Variants in SEC63 observed in about 807,000 individuals in gnomAD.
SEC63 encodes translocation protein SEC63 homolog.
SEC63 carries 56 observed loss-of-function variants against 116.2 expected under a neutral mutation model. That is an observed-to-expected ratio of 0.48 (90% CI 0.39 to 0.60). SEC63 has a LOEUF of 0.60. SEC63 is among the 20% of genes least tolerant of loss of function. The pLI is 0.00. For synonymous variants in SEC63, 273 were observed against 294.6 expected (o/e 0.93, Z 0.75); for missense variants, 668 against 900.0 (o/e 0.74, Z 3.30).
In SEC63 at chr6:107,911,331, A is replaced by G; in HGVS notation, c.624+15T>C. 3.8e-6 allele frequency: 6 copies of G among 1,580,842 alleles called. No homozygotes were observed. Among genetic ancestry groups the G allele is most frequent in the Non-Finnish European group, 5.2e-6 (6 of 1,150,556 alleles). On this transcript the variant is annotated intron_variant, in intron 7 of 20. Coordinates refer to ENST00000369002, the MANE Select transcript of SEC63 (RefSeq NM_007214.5). ...CTTTCCAAAAAAAACATTAACTTAA[A>G]AAGCTAAAACTTACCACAACAACTG...
At chr6:107,892,015 G>T (rs911212573) in intron 16 of SEC63, among the ~76,000 whole-genome samples, 1 of 152,212 alleles carries the variant, frequency 6.6e-6, no homozygotes, top group Non-Finnish European at 1.5e-5. Context: ...TCCCAGTCAG[G>T]ATTCATGGGA....
intron 16 of SEC63, among the ~76,000 whole-genome samples, chr6:107,884,618 A>G (rs1437178222): frequency 6.6e-6 from 1 of 152,150 alleles, no homozygotes; most frequent in Non-Finnish European, 1.5e-5. Context: ...GAATTCTTCC[A>G]GAGACTAAAA....
Position 107,911,328 on chromosome 6 carries a change from TA to T in SEC63, c.624+17del. 1 of 1,575,666 alleles carries T rather than the reference TA, an allele frequency of 6.3e-7. No homozygotes were observed. Among genetic ancestry groups the T allele is most frequent in the Non-Finnish European group, 8.7e-7 (1 of 1,146,224 alleles). On this transcript the variant is annotated intron_variant, in intron 7 of 20. Transcript: ENST00000369002. ...CTCCTTTCCAAAAAAAACATTAACT[TA>T]AAAAGCTAAAACTTACCACAACAAC... is the stretch of plus-strand genomic sequence containing the variant.
rs926889214 is a variant in SEC63 at position 107,889,816 on chromosome 6, T to A, written c.1674+3666A>T. 2.0e-5 allele frequency among the ~76,000 whole-genome samples: 3 copies of A among 152,190 alleles called. No individual in the cohort carries two copies. In the East Asian group the frequency reaches 5.8e-4, roughly 29 times the overall value. On this transcript the variant is annotated intron_variant, in intron 16 of 20. Transcript: ENST00000369002. ...CATTGGTTTCAAAGAACATCTTTAT[T>A]TCTGCCTTCATTTCGTTATTTACCC... is the stretch of plus-strand genomic sequence containing the variant.
chr6:107,909,066 A>AT (rs1562324841), intron 7 of SEC63, 31 bp from the exon 8 acceptor site: 1 of 1,481,948 alleles, frequency 6.7e-7, no homozygotes. Flanking sequence ...AACAAGAAAG[A>AT]AAGTATAAAA....
intron 19 of SEC63, among the ~76,000 whole-genome samples, chr6:107,874,243 T>C (rs544657210): frequency 5.9e-5 from 9 of 151,996 alleles, no homozygotes; most frequent in Non-Finnish European, 1.2e-4. Flanking sequence ...TTAAATGATA[T>C]TCTACAAAAC....
In SEC63 at chr6:107,901,390, G is replaced by A. The variant is rs1162402889; in HGVS notation, c.1337C>T (p.Thr446Ile). The A allele has an allele frequency of 1.9e-6, 3 of 1,612,884 alleles. No individual in the cohort carries two copies. In the Admixed American group the frequency reaches 5.0e-5, roughly 27 times the overall value. The stretch of plus-strand genomic sequence containing the variant: ...CTTACCCTGTGATTTTATATCCATG[G>A]TCACATATGGAAAACTCCCAAGGAC... ...MAVLGSFPYV[T>I]MDIKSQVLDD... The change falls in exon 13 of 21, where the codon ACC (threonine) becomes ATC (isoleucine). Residue 446 changes from threonine (T) to isoleucine (I), a missense_variant. By Grantham distance (89) the Thr-to-Ile change is moderately conservative (BLOSUM62 -1). This residue lies in a region of SEC63 where 430 missense variants were observed against 557.5 expected (regional missense o/e 0.77). Coordinates refer to ENST00000369002, the MANE Select transcript of SEC63 (RefSeq NM_007214.5).
chr6:107,875,720 A>G (rs1336701177), intron 19 of SEC63, among the ~76,000 whole-genome samples: 9 of 152,264 alleles, frequency 5.9e-5, no homozygotes, highest in African/African-American at 2.2e-4. Flanking sequence ...TCAGAGGAAA[A>G]AATAACATGA....
intron 1 of SEC63, among the ~76,000 whole-genome samples, chr6:107,947,041 T>G (rs1554240869): frequency 6.6e-6 from 1 of 151,906 alleles, no homozygotes; most frequent in Non-Finnish European, 1.5e-5. Flanking sequence ...ATATGAACAT[T>G]AAGACATATC....
At position 107,883,044 on chromosome 6, in the gene SEC63, T is replaced by C. The variant is rs1167155246; in HGVS notation, c.1777A>G (p.Ser593Gly). 6.2e-7 allele frequency: 1 copy of C among 1,613,146 alleles called. No individual in the cohort carries two copies. The highest frequency in any genetic ancestry group is 8.5e-7 in the Non-Finnish European group (1 of 1,179,642). The change falls in exon 17 of 21, where the codon AGT becomes GGT. Residue 593 changes from serine (S) to glycine (G), a missense_variant. By Grantham distance (56) the Ser-to-Gly change is moderately conservative. Around this residue, in one of 5 missense-constraint regions of SEC63, gnomAD observed 430 missense variants for 557.5 expected, o/e 0.77. Coordinates refer to ENST00000369002, the MANE Select transcript of SEC63 (RefSeq NM_007214.5). Reference protein sequence around the residue: ...RDSQSEKDDGSDRDSDREQDE... With the variant: ...RDSQSEKDDGGDRDSDREQDE... ...TGCTCTCTATCAGAGTCTCTGTCAC[T>C]ACCATCATCTTTCTCACTTTGGGAA...
At chr6:107,897,005 GAGGGAAGGAGAGAAGA>G (rs927139575) in intron 14 of SEC63, among the ~76,000 whole-genome samples, 9 of 151,332 alleles carry the variant, frequency 5.9e-5, no homozygotes, top group Non-Finnish European at 1.2e-4. Context: ...AGAAGGAAGG[GAGGGAAGGAGAGAAGA>G]AGGGAAGGAG....
chr6:107,905,889 G>A (rs1208613951), intron 10 of SEC63, among the ~76,000 whole-genome samples: 2 of 152,148 alleles, frequency 1.3e-5, no homozygotes, highest in Non-Finnish European at 1.5e-5. Context: ...CATTTGTGAA[G>A]TAATTATGTA....
Position 107,872,839 on chromosome 6 carries a change from T to TA in SEC63, c.2107dup (p.Tyr703LeufsTer8). The TA allele has an allele frequency of 6.4e-7, 1 of 1,555,832 alleles. No homozygotes were observed. ...TGGTTTAATCTGATCCAAACCCATATAGGAGTCTGATCTCAGAAACACAGT... is the reference window on the plus strand; with the variant it reads ...TGGTTTAATCTGATCCAAACCCATATAAGGAGTCTGATCTCAGAAACACAGT... On this transcript the variant is annotated frameshift_variant, in exon 20 of 21. Transcript: ENST00000369002. LOFTEE classifies it high-confidence loss of function.
chr6:107,890,371 T>G (rs541035901), intron 16 of SEC63, among the ~76,000 whole-genome samples: 1 of 152,368 alleles, frequency 6.6e-6, no homozygotes, highest in Admixed American at 6.5e-5. Flanking sequence ...GTCTGTTTTA[T>G]CAGAGACTAG....
At chr6:107,917,144 T>G (rs1012967164) in intron 4 of SEC63, among the ~76,000 whole-genome samples, 3 of 152,224 alleles carry the variant, frequency 2.0e-5, no homozygotes, top group African/African-American at 7.2e-5. Context: ...CATGAGCGAT[T>G]TGTACCTTAA....
Position 107,929,428 on chromosome 6 carries a change from T to C in SEC63, c.211A>G (p.Ile71Val), listed in dbSNP as rs761219014. Residue 71 changes from isoleucine to valine, a missense_variant, in exon 2 of 21, where the codon ATT (isoleucine) becomes GTT (valine). Transcript: ENST00000369002. The part of the protein sequence containing the change: ...LRLLKPQPNI[I>V]PTVKKIVLLA... ...TCCATTACTTACTTTACTGTAGGAA[T>C]AATATTTGGCTGGGGTTTTAATAAC... The C allele has an allele frequency of 6.4e-7, 1 of 1,560,298 alleles. No individual in the cohort carries two copies. Among genetic ancestry groups the C allele is most frequent in the South Asian group, 1.1e-5 (1 of 89,814 alleles).
chr6:107,887,184 G>C (rs1786549765), intron 16 of SEC63, among the ~76,000 whole-genome samples: 1 of 151,600 alleles, frequency 6.6e-6, no homozygotes, highest in Non-Finnish European at 1.5e-5. Flanking sequence ...GTGGAAGTCA[G>C]TGTGGCAATT....
intron 12 of SEC63, among the ~76,000 whole-genome samples, chr6:107,901,844 T>C (rs1025822524): frequency 1.4e-4 from 21 of 152,238 alleles, no homozygotes; most frequent in Middle Eastern, 3.4e-3. Flanking sequence ...TCAATTTTAA[T>C]AACAAAAACC....
chr6:107,901,552 C>T (rs756961351), intron 12 of SEC63, 35 bp from the exon 13 acceptor site: 1 of 1,428,454 alleles, frequency 7.0e-7, no homozygotes, highest in South Asian at 1.2e-5. Context: ...ACATAATTCC[C>T]TAACTCACAA....
Sources: gnomAD v4.1 joint callset for allele counts (sites outside exome capture counted in the v4.1 genomes callset) on GRCh38, gnomAD v4.1.1 for gene constraint, gnomAD v4.1.1 regional missense constraint, MANE v1.5 for transcripts, NCBI Gene and HGNC (gene_info 2026-07-23, HGNC 2026-07-21) for gene names.